ITPR1: variants seen among roughly 807,000 people sequenced by gnomAD.
The protein encoded by ITPR1 is inositol 1,4,5-trisphosphate receptor type 1.
A neutral mutation model predicts 318.4 loss-of-function variants in ITPR1; 96 were observed. The observed-to-expected ratio is 0.30, with a 90% CI of 0.26 to 0.36. The LOEUF is 0.36. Among genes scored for constraint, ITPR1 ranks in the 10% least tolerant of loss-of-function variants. The pLI is 1.00. For synonymous variants in ITPR1, 1,312 were observed against 1,289.9 expected (o/e 1.02, Z -0.37); for missense variants, 2,440 against 3,460.2 (o/e 0.71, Z 7.40).
chr3:4,759,314 A>G (rs892082178), intron 44 of ITPR1, among the ~76,000 whole-genome samples: 1 of 152,212 alleles, frequency 6.6e-6, no homozygotes, highest in African/African-American at 2.4e-5. Flanking sequence ...TAGTTTTGTT[A>G]TTCTTTTAAT....
At chr3:4,601,429 G>T (rs1040676052) in intron 4 of ITPR1, among the ~76,000 whole-genome samples, 1 of 151,596 alleles carries the variant, frequency 6.6e-6, no homozygotes, top group African/African-American at 2.4e-5. Flanking sequence ...TGAGGTGGGA[G>T]GATCACCTGA....
intron 4 of ITPR1, among the ~76,000 whole-genome samples, chr3:4,567,044 T>C (rs1367504474): frequency 6.6e-6 from 1 of 152,220 alleles, no homozygotes; most frequent in Non-Finnish European, 1.5e-5. Flanking sequence ...AGACATTTAA[T>C]CTCTTTACCT....
At chr3:4,503,011 G>C (rs1223742667) in intron 2 of ITPR1, among the ~76,000 whole-genome samples, 8 of 152,080 alleles carry the variant, frequency 5.3e-5, no homozygotes, top group African/African-American at 1.7e-4. Flanking sequence ...CTTGAATTCA[G>C]GAGGTGGAGG....
intron 28 of ITPR1, among the ~76,000 whole-genome samples, 181 bp from the exon 29 acceptor site, chr3:4,684,100 T>C (rs947106418): frequency 5.3e-5 from 8 of 152,240 alleles, no homozygotes; most frequent in African/African-American, 1.9e-4. Flanking sequence ...CCCAGCCCAC[T>C]ACTATCCCTT....
At chr3:4,760,400 A>C (rs1348748481) in intron 44 of ITPR1, among the ~76,000 whole-genome samples, 2 of 152,232 alleles carry the variant, frequency 1.3e-5, no homozygotes, top group Admixed American at 1.3e-4. Context: ...GGAACAAAGC[A>C]GACTTTCTGT....
intron 5 of ITPR1, among the ~76,000 whole-genome samples, chr3:4,630,762 A>T (rs2092992264): frequency 6.6e-6 from 1 of 151,614 alleles, no homozygotes; most frequent in Non-Finnish European, 1.5e-5. Flanking sequence ...ATTTTTTTGT[A>T]GTTTTAGTAG....
At chr3:4,555,330 C>T (rs551780311) in intron 4 of ITPR1, among the ~76,000 whole-genome samples, 1 of 152,284 alleles carries the variant, frequency 6.6e-6, no homozygotes, top group Admixed American at 6.5e-5. Context: ...ACTTGGTCTT[C>T]AGAGGCAAGC....
At chr3:4,723,829 T>C (rs182992295) in intron 40 of ITPR1, among the ~76,000 whole-genome samples, 139 of 152,194 alleles carry the variant, frequency 9.1e-4, no homozygotes, top group Middle Eastern at 6.8e-3. Flanking sequence ...CCCATGCAAA[T>C]AGTAGAATAT....
At chr3:4,772,685 A>C (rs1410110756) in intron 46 of ITPR1, among the ~76,000 whole-genome samples, 2 of 152,228 alleles carry the variant, frequency 1.3e-5, no homozygotes, top group Non-Finnish European at 2.9e-5. Flanking sequence ...GGAAGACTGC[A>C]AAAAGGGCAG....
chr3:4,681,601 G>A (rs942417379), intron 26 of ITPR1, among the ~76,000 whole-genome samples, 183 bp downstream of exon 26: 3 of 136,660 alleles, frequency 2.2e-5, no homozygotes, highest in African/African-American at 8.4e-5. Flanking sequence ...AGGAGAGAGA[G>A]AGTGAGAGAG....
At chr3:4,687,583 G>C (rs2094415919) in intron 30 of ITPR1, among the ~76,000 whole-genome samples, 1 of 152,172 alleles carries the variant, frequency 6.6e-6, no homozygotes, top group African/African-American at 2.4e-5. Context: ...ACTATTGTGG[G>C]CTGTAAGAAT....
intron 21 of ITPR1, 45 bp downstream of exon 21, chr3:4,673,432 G>T (rs2094126082): frequency 1.3e-6 from 2 of 1,535,992 alleles, no homozygotes; most frequent in East Asian, 2.3e-5. Flanking sequence ...ATTCTGTGCG[G>T]CAGTAGATAG....
chr3:4,767,154 G>C (rs1458894014), intron 45 of ITPR1, among the ~76,000 whole-genome samples: 1 of 152,260 alleles, frequency 6.6e-6, no homozygotes, highest in East Asian at 1.9e-4. Flanking sequence ...AGACCCACAA[G>C]TGTTGGAGTC....
chr3:4,823,831 C>G (rs1224946652), intron 60 of ITPR1, among the ~76,000 whole-genome samples: 1 of 152,066 alleles, frequency 6.6e-6, no homozygotes, highest in African/African-American at 2.4e-5. Flanking sequence ...GATCACTAGG[C>G]ACTATATACA....
At chr3:4,622,874 C>G (rs984678958) in intron 4 of ITPR1, among the ~76,000 whole-genome samples, 1 of 152,214 alleles carries the variant, frequency 6.6e-6, no homozygotes, top group Non-Finnish European at 1.5e-5. Context: ...TCTACTCAAT[C>G]TTTAGACCCT....
At chr3:4,798,241 C>T (rs2048014786) in intron 53 of ITPR1, among the ~76,000 whole-genome samples, 1 of 152,178 alleles carries the variant, frequency 6.6e-6, no homozygotes, top group South Asian at 2.1e-4. Flanking sequence ...ATGTAAAGAA[C>T]TCTTACAACT....
chr3:4,654,240 C>T (rs1193528409), intron 12 of ITPR1, among the ~76,000 whole-genome samples: 3 of 152,142 alleles, frequency 2.0e-5, no homozygotes, highest in Non-Finnish European at 4.4e-5. Context: ...TGCTGTTGAC[C>T]TCAATCCATG....
At chr3:4,714,521 T>C (rs1018292501) in intron 39 of ITPR1, among the ~76,000 whole-genome samples, 6 of 152,162 alleles carry the variant, frequency 3.9e-5, no homozygotes, top group African/African-American at 1.4e-4. Flanking sequence ...AGGCTGGGGC[T>C]AAGAGCTGAG....
intron 2 of ITPR1, among the ~76,000 whole-genome samples, chr3:4,497,082 T>C (rs1224621379): frequency 1.3e-5 from 2 of 152,200 alleles, no homozygotes; most frequent in African/African-American, 2.4e-5. Context: ...CCATTTTTGC[T>C]GTTTTAAGTT....
Sources: gnomAD v4.1 joint callset for allele counts (sites outside exome capture counted in the v4.1 genomes callset) on GRCh38, gnomAD v4.1.1 for gene constraint, MANE v1.5 for transcripts, NCBI Gene and HGNC (gene_info 2026-07-23, HGNC 2026-07-21) for gene names.